PBX4: variants seen among roughly 807,000 people sequenced by gnomAD.
PBX4 encodes the protein PBX homeobox 4.
PBX4 carries 26 observed loss-of-function variants against 35.1 expected under a neutral mutation model. The observed-to-expected ratio is 0.74, with a 90% confidence interval of 0.54 to 1.03. The LOEUF (loss-of-function observed/expected upper bound fraction) is 1.03, where lower values mean the gene tolerates loss of function less well. Ranked by LOEUF, PBX4 falls within the 50% of genes least tolerant of loss-of-function variation. PBX4 has a pLI of 0.00. For missense variants in PBX4, 448 were observed against 504.3 expected, an observed-to-expected ratio of 0.89 and a Z score of 1.07; for synonymous variants, 199 against 204.2, an observed-to-expected ratio of 0.97 and a Z score of 0.22.
chr19:19,594,093 A>T lies in PBX4; in HGVS notation c.193+5199T>A, dbSNP rs542228905. The stretch of plus-strand genomic sequence containing the variant: ...GACTCTGTGTCTTAATTAAAAAAAA[A>T]AAAAAATAAAAAATAAAAAATTAAA... On this transcript the variant is annotated intron_variant, in intron 2 of 7. Transcript: ENST00000251203. Among the ~76,000 whole-genome samples, 206 of 148,166 alleles carry T rather than the reference A, an allele frequency of 1.4e-3. 2 individuals carry two copies. The highest frequency in any genetic ancestry group is 2.3e-3 in the Admixed American group (34 of 14,630).
chr19:19,583,281 AAAAAC>A (rs201678612), intron 2 of PBX4, among the ~76,000 whole-genome samples: 5,204 of 151,090 alleles, frequency 0.034, 162 homozygotes, highest in Admixed American at 0.079. Flanking sequence ...TCCGTCTCAA[AAAAAC>A]AAAACAAAAC....
At chr19:19,577,630 G>GC in intron 2 of PBX4, among the ~76,000 whole-genome samples, 2 of 152,144 alleles carry the variant, frequency 1.3e-5, no homozygotes, top group African/African-American at 4.8e-5. Context: ...ACTTTGGGAG[G>GC]TGGGTGGATC....
intron 1 of PBX4, among the ~76,000 whole-genome samples, chr19:19,605,446 T>C (rs199674594): frequency 1.6e-4 from 16 of 100,020 alleles, no homozygotes; most frequent in South Asian, 2.9e-4. Context: ...ATAATAATAA[T>C]AACAATAATA....
chr19:19,615,188 A>G (rs549899758), intron 1 of PBX4, among the ~76,000 whole-genome samples: 96 of 147,172 alleles, frequency 6.5e-4, no homozygotes, highest in Non-Finnish European at 9.0e-4. Context: ...AAAAAAAAAA[A>G]AAAGAAAGAT....
chr19:19,610,466 C>T (rs2061657342), intron 1 of PBX4, among the ~76,000 whole-genome samples: 1 of 151,842 alleles, frequency 6.6e-6, no homozygotes, highest in Non-Finnish European at 1.5e-5. Flanking sequence ...CAACACAATT[C>T]AAGCTGGGCA....
chr19:19,579,668 C>T (rs1219299860), intron 2 of PBX4, among the ~76,000 whole-genome samples: 2 of 152,220 alleles, frequency 1.3e-5, no homozygotes, highest in East Asian at 1.9e-4. Context: ...ACTGACCCCT[C>T]GGGTCTGCCA....
At chr19:19,608,349 C>CA (rs113078814) in intron 1 of PBX4, 6,756 of 115,318 alleles carry the variant, frequency 0.059, 457 homozygotes, top group African/African-American at 0.18. Flanking sequence ...GACCCTGTCT[C>CA]AAAAAAAAAA....
chr19:19,605,497 A>G (rs191443372), intron 1 of PBX4, among the ~76,000 whole-genome samples: 73 of 150,672 alleles, frequency 4.8e-4, no homozygotes, highest in African/African-American at 1.6e-3. Flanking sequence ...TTGGTGGCAC[A>G]TGCCTGTAGT....
intron 1 of PBX4, among the ~76,000 whole-genome samples, chr19:19,604,878 G>A (rs2061620590): frequency 6.6e-6 from 1 of 151,864 alleles, no homozygotes; most frequent in African/African-American, 2.4e-5. Context: ...GGGATCACAG[G>A]TGTGAGCCAC....
At chr19:19,600,343 A>G (rs892207834) in intron 1 of PBX4, among the ~76,000 whole-genome samples, 2 of 152,020 alleles carry the variant, frequency 1.3e-5, no homozygotes, top group African/African-American at 4.8e-5. Flanking sequence ...CCTGGGCAAC[A>G]TGGTGAGACC....
intron 1 of PBX4, among the ~76,000 whole-genome samples, chr19:19,607,346 G>A (rs1372645231): frequency 6.6e-6 from 1 of 152,188 alleles, no homozygotes; most frequent in East Asian, 1.9e-4. Context: ...CAGCCACTGC[G>A]CCTGGCCACA....
In PBX4 at chr19:19,563,725, A is replaced by G. The variant is rs1396719233; in HGVS notation, c.926-110T>C. The G allele has an allele frequency of 3.3e-6, 3 of 911,936 alleles. No homozygotes were observed. Among genetic ancestry groups the G allele is most frequent in the Non-Finnish European group, 5.3e-6 (3 of 570,740 alleles). The allele number at this position is 911,936 out of a possible 1,614,324, so 56.5% of individuals were successfully genotyped here. On this transcript the variant is annotated intron_variant, in intron 6 of 7. Transcript: ENST00000251203. The surrounding 1 kb of genome is among the most constrained non-coding windows in gnomAD (Gnocchi z 5.1). Reference sequence around the variant, plus strand: ...TCGAATGTGGCTCCTGCCCCTCCTCAGCATCCGGCCTCTGCTCCTCAGCCC... The same window carrying G: ...TCGAATGTGGCTCCTGCCCCTCCTCGGCATCCGGCCTCTGCTCCTCAGCCC...
rs566775025 is a variant in PBX4, at chr19:19,567,107, C to T, written c.769-2018G>A. Among the ~76,000 whole-genome samples, 7 of 152,294 alleles carry T rather than the reference C, an allele frequency of 4.6e-5. No homozygotes were observed. In the East Asian group the frequency reaches 5.8e-4, roughly 13 times the overall value. On this transcript the variant is annotated intron_variant, in intron 5 of 7. Coordinates refer to ENST00000251203, the MANE Select transcript of PBX4 (RefSeq NM_025245.3). ...TTCCAAACATAGTGTCTGCCTACCC[C>T]GGGGGTGTGAGCAGCCTTCTCTTGA...
chr19:19,609,018 G>T (rs2061647198), intron 1 of PBX4, among the ~76,000 whole-genome samples: 1 of 152,190 alleles, frequency 6.6e-6, no homozygotes, highest in Non-Finnish European at 1.5e-5. Context: ...TAATTTGCGA[G>T]AATGTACTTT....
chr19:19,563,090 C>T lies in PBX4; in HGVS notation c.1032+419G>A, dbSNP rs553997831. On this transcript the variant is annotated intron_variant, in intron 7 of 7. Coordinates refer to ENST00000251203, the MANE Select transcript of PBX4 (RefSeq NM_025245.3). This position sits in a 1 kb window ranked among gnomAD's most constrained non-coding sequence, Gnocchi z 5.1. ...CAGTGTCTTCAAGACGGTCCCCACT[C>T]GCTGCCTTCCCAGCCAAGCTGCGGC... Among the ~76,000 whole-genome samples, 6 of 152,302 alleles carry T rather than the reference C, an allele frequency of 3.9e-5. No individual in the cohort carries two copies. Among genetic ancestry groups the T allele is most frequent in the Admixed American group, 1.3e-4 (2 of 15,308 alleles).
At chr19:19,602,941 C>G (rs1472292453) in intron 1 of PBX4, among the ~76,000 whole-genome samples, 3 of 152,176 alleles carry the variant, frequency 2.0e-5, no homozygotes, top group Non-Finnish European at 4.4e-5. Flanking sequence ...CTAAATCACC[C>G]CAGGGCCAGG....
chr19:19,569,515 G>T lies in PBX4; in HGVS notation c.702C>A (p.Asn234Lys), dbSNP rs1474933646. ...VLNEYFYSHL[N>K]NPYPSEEAKE... ...TGGCTTCTTCGCTGGGGTAAGGGTT[G>T]TTCAGATGGGAGTAAAAATACTCAT... The change falls in exon 5 of 8, where the codon AAC becomes AAA. Residue 234 changes from asparagine (N) to lysine (K), a missense_variant. Asn to Lys is a moderately conservative substitution (Grantham distance 94). Coordinates refer to ENST00000251203, the MANE Select transcript of PBX4 (RefSeq NM_025245.3). 24 of 1,613,974 alleles carry T rather than the reference G, an allele frequency of 1.5e-5. No homozygotes were observed. The highest frequency in any genetic ancestry group is 2.0e-5 in the Non-Finnish European group (24 of 1,179,918).
intron 2 of PBX4, among the ~76,000 whole-genome samples, chr19:19,589,102 G>C (rs958857536): frequency 2.0e-5 from 3 of 151,912 alleles, no homozygotes; most frequent in East Asian, 3.9e-4. Flanking sequence ...CCTCCAACCC[G>C]CATGACAGAG....
At chr19:19,612,282 AAAAAC>A (rs1333595558) in intron 1 of PBX4, among the ~76,000 whole-genome samples, 1 of 152,164 alleles carries the variant, frequency 6.6e-6, no homozygotes, top group Non-Finnish European at 1.5e-5. Context: ...GTCTCAAGAA[AAAAAC>A]AAAACAAAAC....
Sources: gnomAD v4.1 joint callset for allele counts (sites outside exome capture counted in the v4.1 genomes callset) on GRCh38, gnomAD v4.1.1 for gene constraint, Gnocchi (gnomAD v3.1) non-coding constraint, MANE v1.5 for transcripts, NCBI Gene and HGNC (gene_info 2026-07-23, HGNC 2026-07-21) for gene names.